CNTNAP2: variants seen among roughly 807,000 people sequenced by gnomAD.
CNTNAP2 encodes the protein contactin associated protein 2.
CNTNAP2 carries 98 observed loss-of-function variants against 155.2 expected under a neutral mutation model. The ratio of observed to expected loss-of-function variants is 0.63; its 90% CI spans 0.54 to 0.75. The LOEUF (loss-of-function observed/expected upper bound fraction) is 0.75, where lower values mean the gene tolerates loss of function less well. Among genes scored for constraint, CNTNAP2 ranks in the 30% least tolerant of loss-of-function variants. CNTNAP2 has a pLI of 0.00. For synonymous variants in CNTNAP2, 651 were observed against 631.2 expected (o/e 1.03, Z -0.47); for missense variants, 1,727 against 1,688.1 (o/e 1.02, Z -0.40).
chr7:147,016,061 C>A (rs1173571923), intron 3 of CNTNAP2, among the ~76,000 whole-genome samples: 2 of 151,956 alleles, frequency 1.3e-5, no homozygotes, highest in Non-Finnish European at 1.5e-5. Context: ...CTGTGCTCAC[C>A]CCTTTGGGAA....
Position 146,138,562 on chromosome 7 carries a change from A to T in CNTNAP2, c.97+21589A>T, listed in dbSNP as rs543882649. ...GGACATTTCATTATGGGTAAGAAAT[A>T]TAACCTTTGGACGTGTAGACCTTGT... On this transcript the variant is annotated intron_variant, in intron 1 of 23. Transcript: ENST00000361727. Among the ~76,000 whole-genome samples the T allele has an allele frequency of 2.6e-5, 4 of 152,278 alleles. No individual in the cohort carries two copies. The South Asian group carries it at 8.3e-4, about 32-fold the overall frequency.
intron 1 of CNTNAP2, among the ~76,000 whole-genome samples, chr7:146,624,426 G>T (rs1476567152): frequency 1.3e-5 from 2 of 151,702 alleles, no homozygotes; most frequent in Non-Finnish European, 2.9e-5. Context: ...ACATATAGTT[G>T]GTGTCTGTTA....
At chr7:147,194,094 C>T (rs1042148701) in intron 8 of CNTNAP2, among the ~76,000 whole-genome samples, 1 of 151,858 alleles carries the variant, frequency 6.6e-6, no homozygotes, top group African/African-American at 2.4e-5. Context: ...CCCCCACCCC[C>T]CAACAGGCCC....
chr7:147,391,681 G>A (rs1796721028), intron 9 of CNTNAP2, among the ~76,000 whole-genome samples: 1 of 152,048 alleles, frequency 6.6e-6, no homozygotes, highest in South Asian at 2.1e-4. Context: ...GAAAAGACCT[G>A]TAAAGCATAA....
intron 11 of CNTNAP2, 49 bp downstream of exon 11, chr7:147,486,090 C>G: frequency 6.6e-7 from 1 of 1,513,418 alleles, no homozygotes; most frequent in Non-Finnish European, 9.2e-7. Flanking sequence ...ATGAGAATCT[C>G]AAGTCTTGAG....
intron 1 of CNTNAP2, among the ~76,000 whole-genome samples, chr7:146,419,025 C>T (rs561683782): frequency 6.6e-6 from 1 of 152,218 alleles, no homozygotes; most frequent in East Asian, 1.9e-4. Flanking sequence ...CATTTTCACA[C>T]TGCTGATAAA....
At chr7:146,722,516 T>A (rs373723966) in intron 1 of CNTNAP2, among the ~76,000 whole-genome samples, 8 of 152,106 alleles carry the variant, frequency 5.3e-5, no homozygotes, top group African/African-American at 1.9e-4. Flanking sequence ...TCTCAATACA[T>A]TAATAGTTTA....
intron 3 of CNTNAP2, among the ~76,000 whole-genome samples, chr7:146,867,288 T>G (rs1363076045): frequency 6.6e-6 from 1 of 152,152 alleles, no homozygotes; most frequent in Non-Finnish European, 1.5e-5. Context: ...TTTCTGTTCT[T>G]GTGTTAGTTT....
chr7:147,780,985 TA>T (rs1797653418), intron 13 of CNTNAP2, among the ~76,000 whole-genome samples: 1 of 152,214 alleles, frequency 6.6e-6, no homozygotes, highest in Admixed American at 6.5e-5. Flanking sequence ...ACACTCTGCT[TA>T]ATATCACTTT....
intron 4 of CNTNAP2, among the ~76,000 whole-genome samples, chr7:147,065,168 C>CT (rs561464729): frequency 2.4e-4 from 37 of 152,032 alleles, no homozygotes; most frequent in Non-Finnish European, 4.6e-4. Context: ...AGTCATTGAC[C>CT]TTTTTGGAGC....
intron 8 of CNTNAP2, among the ~76,000 whole-genome samples, chr7:147,283,717 A>G (rs1805107171): frequency 1.3e-5 from 2 of 151,888 alleles, no homozygotes; most frequent in South Asian, 2.1e-4. Flanking sequence ...AATTTCTGAA[A>G]TAGAGAACAA....
At chr7:148,332,638 C>A (rs1798048800) in intron 21 of CNTNAP2, among the ~76,000 whole-genome samples, 1 of 152,114 alleles carries the variant, frequency 6.6e-6, no homozygotes, top group South Asian at 2.1e-4. Context: ...ATTCTCCCTG[C>A]TAAGTAAGAA....
intron 1 of CNTNAP2, among the ~76,000 whole-genome samples, chr7:146,598,859 C>T (rs1263328820): frequency 6.6e-6 from 1 of 152,038 alleles, no homozygotes; most frequent in Non-Finnish European, 1.5e-5. Flanking sequence ...ATTTTCAAAT[C>T]CAGACTTCAT....
intron 2 of CNTNAP2, among the ~76,000 whole-genome samples, chr7:146,838,905 G>T (rs1243810495): frequency 6.6e-6 from 1 of 151,964 alleles, no homozygotes; most frequent in Non-Finnish European, 1.5e-5. Context: ...GTGCCTCTTA[G>T]CACTAACATT....
At chr7:146,756,137 C>G (rs1314635159) in intron 1 of CNTNAP2, among the ~76,000 whole-genome samples, 1 of 151,688 alleles carries the variant, frequency 6.6e-6, no homozygotes, top group African/African-American at 2.4e-5. Context: ...ACATGAATGC[C>G]TGCAAAAAAT....
chr7:147,330,074 C>G (rs1795530492), intron 9 of CNTNAP2, among the ~76,000 whole-genome samples: 1 of 152,026 alleles, frequency 6.6e-6, no homozygotes, highest in African/African-American at 2.4e-5. Flanking sequence ...AGGGCGAAAC[C>G]CCTAGAAAGC....
chr7:146,131,549 TGTA>T (rs1428971215), intron 1 of CNTNAP2, among the ~76,000 whole-genome samples: 1 of 152,202 alleles, frequency 6.6e-6, no homozygotes, highest in Non-Finnish European at 1.5e-5. Context: ...TTTTAAGAAA[TGTA>T]GTGTTATAAC....
chr7:147,104,774 C>A (rs890512724), intron 4 of CNTNAP2, among the ~76,000 whole-genome samples: 3 of 148,802 alleles, frequency 2.0e-5, no homozygotes, highest in South Asian at 4.3e-4. Flanking sequence ...TATATCACCC[C>A]AAACTCAAAT....
At chr7:148,151,422 C>T (rs948413150) in intron 17 of CNTNAP2, among the ~76,000 whole-genome samples, 1 of 152,062 alleles carries the variant, frequency 6.6e-6, no homozygotes, top group Non-Finnish European at 1.5e-5. Flanking sequence ...TCTCCTCTCT[C>T]GGCCTCCTGT....
Sources: gnomAD v4.1 joint callset for allele counts (sites outside exome capture counted in the v4.1 genomes callset) on GRCh38, gnomAD v4.1.1 for gene constraint, MANE v1.5 for transcripts, NCBI Gene and HGNC (gene_info 2026-07-23, HGNC 2026-07-21) for gene names.